The following VPS13B variants were observed in gnomAD, a reference collection of about 807,000 sequenced individuals.
VPS13B encodes the protein vacuolar protein sorting 13 homolog B.
VPS13B carries 285 observed loss-of-function variants against 426.4 expected under a neutral mutation model. That is an observed-to-expected ratio of 0.67 (90% CI 0.61 to 0.74). The LOEUF is 0.74. VPS13B is among the 30% of genes least tolerant of loss of function. The probability of loss-of-function intolerance (pLI) is 0.00; values close to 1 mark genes in which losing one functional copy is unlikely to be tolerated. For synonymous variants in VPS13B, 1,676 were observed against 1,676.4 expected (o/e 1.00, Z 0.01); for missense variants, 4,537 against 4,782.6 (o/e 0.95, Z 1.51).
chr8:99,871,867 A>G (rs937959424), intron 61 of VPS13B, among the ~76,000 whole-genome samples, 170 bp downstream of exon 61: 4 of 151,858 alleles, frequency 2.6e-5, no homozygotes, highest in Non-Finnish European at 4.4e-5. Context: ...GGCCGCTGCG[A>G]AAGGGCACTG....
Position 99,823,834 on chromosome 8 carries a change from A to T in VPS13B, c.9186A>T (p.Leu3062Phe), listed in dbSNP as rs984224710. 1 of 1,613,392 alleles carries T rather than the reference A, an allele frequency of 6.2e-7. No individual in the cohort carries two copies. The highest frequency in any genetic ancestry group is 8.5e-7 in the Non-Finnish European group (1 of 1,179,736). ...ATTTTTTCTCAATTATCTTGTAGTTATGTCAGTTCTGCATTTCCTCCATGG... is the reference window on the plus strand; with the variant it reads ...ATTTTTTCTCAATTATCTTGTAGTTTTGTCAGTTCTGCATTTCCTCCATGG... Reference protein sequence around the residue: ...RLGAFPGHQKLCQFCISSMVQ... With the variant: ...RLGAFPGHQKFCQFCISSMVQ... The change falls in exon 51 of 62, where the codon TTA becomes TTT. Residue 3062 changes from leucine (L) to phenylalanine (F), a missense_variant and splice_region_variant. By Grantham distance (22) the Leu-to-Phe change is conservative. This residue lies in a region of VPS13B where 4,311 missense variants were observed against 4,474.3 expected (regional missense o/e 0.96). Transcript: ENST00000357162.
intron 30 of VPS13B, among the ~76,000 whole-genome samples, chr8:99,549,280 T>C (rs913868131): frequency 6.6e-6 from 1 of 152,148 alleles, no homozygotes; most frequent in Admixed American, 6.6e-5. Context: ...GAGTTTGATT[T>C]ATTAAATTGA....
intron 33 of VPS13B, among the ~76,000 whole-genome samples, chr8:99,633,560 TA>T (rs1269918526): frequency 1.3e-5 from 2 of 152,046 alleles, no homozygotes; most frequent in Non-Finnish European, 2.9e-5. Flanking sequence ...TTGTAAACCC[TA>T]ATATAATGAG....
intron 44 of VPS13B, among the ~76,000 whole-genome samples, chr8:99,815,744 CAT>C (rs1813997498): frequency 1.3e-5 from 2 of 152,094 alleles, no homozygotes; most frequent in South Asian, 4.1e-4. Flanking sequence ...GGTGAATATT[CAT>C]ATTACAGAAG....
intron 3 of VPS13B, among the ~76,000 whole-genome samples, chr8:99,081,967 G>C (rs1845496930): frequency 6.6e-6 from 1 of 152,140 alleles, no homozygotes; most frequent in East Asian, 1.9e-4. Flanking sequence ...AATCCTTTGA[G>C]TATATACCCA....
chr8:99,322,533 G>C (rs182642618), intron 19 of VPS13B, among the ~76,000 whole-genome samples: 2 of 152,318 alleles, frequency 1.3e-5, no homozygotes, highest in East Asian at 3.9e-4. Flanking sequence ...TTTTTAATTT[G>C]AGGGTTGGTC....
intron 3 of VPS13B, among the ~76,000 whole-genome samples, chr8:99,053,760 C>T (rs764988202): frequency 9.4e-5 from 14 of 149,106 alleles, no homozygotes; most frequent in African/African-American, 2.2e-4. Flanking sequence ...TGGAGTGCAG[C>T]GGTACAGTTC....
chr8:99,412,079 C>A (rs116900427), intron 21 of VPS13B, among the ~76,000 whole-genome samples: 26,433 of 152,014 alleles, frequency 0.17, 2,815 homozygotes, highest in East Asian at 0.37. Context: ...TTTTATAATT[C>A]TTTGAAGAAA....
At chr8:99,456,952 T>A (rs1818492973) in intron 23 of VPS13B, among the ~76,000 whole-genome samples, 1 of 152,160 alleles carries the variant, frequency 6.6e-6, no homozygotes, top group Admixed American at 6.5e-5. Context: ...AGTTTTTAAA[T>A]TAATAATTTA....
At chr8:99,134,889 A>G in intron 9 of VPS13B, 126 bp from the exon 10 acceptor site, 5 of 1,263,486 alleles carry the variant, frequency 4.0e-6, no homozygotes, top group Non-Finnish European at 4.4e-6. Flanking sequence ...AATAAATAGT[A>G]TAGAATAAAT....
At chr8:99,114,089 C>T (rs1214223040) in intron 6 of VPS13B, among the ~76,000 whole-genome samples, 4 of 150,946 alleles carry the variant, frequency 2.6e-5, no homozygotes, top group African/African-American at 9.7e-5. Flanking sequence ...GTGCATAGAA[C>T]TTTGACCACA....
chr8:99,723,968 A>ATACC (rs1376928228), intron 39 of VPS13B, among the ~76,000 whole-genome samples: 2 of 152,188 alleles, frequency 1.3e-5, no homozygotes, highest in Non-Finnish European at 2.9e-5. Flanking sequence ...GGCTGACTTG[A>ATACC]TACCAAGCTG....
chr8:99,054,618 C>G (rs888537151), intron 3 of VPS13B, among the ~76,000 whole-genome samples: 2 of 152,286 alleles, frequency 1.3e-5, no homozygotes, highest in Middle Eastern at 3.4e-3. Flanking sequence ...GGTGTTATAT[C>G]TAAGAGTTCA....
intron 54 of VPS13B, among the ~76,000 whole-genome samples, chr8:99,840,591 A>T (rs150351725): frequency 3.3e-5 from 5 of 152,238 alleles, no homozygotes; most frequent in Admixed American, 2.0e-4. Context: ...AATCAGCCAG[A>T]CTCCACTCTC....
chr8:99,572,156 ATGGC>A (rs1028531432), intron 31 of VPS13B, among the ~76,000 whole-genome samples: 4 of 152,220 alleles, frequency 2.6e-5, no homozygotes, highest in Non-Finnish European at 5.9e-5. Flanking sequence ...AATTTGAGGT[ATGGC>A]TTGCTAACGA....
intron 33 of VPS13B, among the ~76,000 whole-genome samples, chr8:99,604,590 C>A (rs1440965432): frequency 1.3e-5 from 2 of 151,100 alleles, no homozygotes; most frequent in African/African-American, 4.9e-5. Flanking sequence ...AGCTCCGCCT[C>A]CCGGGTTCAC....
intron 25 of VPS13B, among the ~76,000 whole-genome samples, chr8:99,493,582 C>T (rs1346359128): frequency 1.3e-5 from 2 of 151,792 alleles, no homozygotes; most frequent in East Asian, 1.9e-4. Context: ...ATCAGGAGTT[C>T]GAGATCATCC....
At chr8:99,534,230 T>A (rs1823074513) in intron 30 of VPS13B, among the ~76,000 whole-genome samples, 1 of 152,230 alleles carries the variant, frequency 6.6e-6, no homozygotes, top group African/African-American at 2.4e-5. Context: ...TAACTGCATC[T>A]TTTGTGGCTT....
At chr8:99,014,799 G>T (rs566708827) in intron 2 of VPS13B, among the ~76,000 whole-genome samples, 1 of 151,790 alleles carries the variant, frequency 6.6e-6, no homozygotes, top group East Asian at 1.9e-4. Flanking sequence ...AGTAAAATTG[G>T]AAACTTCTTT....
Sources: gnomAD v4.1 joint callset for allele counts (sites outside exome capture counted in the v4.1 genomes callset) on GRCh38, gnomAD v4.1.1 for gene constraint, gnomAD v4.1.1 regional missense constraint, MANE v1.5 for transcripts, NCBI Gene and HGNC (gene_info 2026-07-23, HGNC 2026-07-21) for gene names.